ITSN2: variants seen among roughly 807,000 people sequenced by gnomAD.
The protein encoded by ITSN2 is intersectin-2.
In ITSN2, 156 loss-of-function variants were observed where a neutral mutation model predicts 243.7. The observed-to-expected ratio is 0.64, with a 90% CI of 0.56 to 0.73. The LOEUF (loss-of-function observed/expected upper bound fraction) is 0.73, where lower values mean the gene tolerates loss of function less well. Among genes scored for constraint, ITSN2 ranks in the 30% least tolerant of loss-of-function variants. The pLI, the probability that ITSN2 is intolerant of heterozygous loss-of-function variation, is 0.00. For missense variants in ITSN2, 1,801 were observed against 1,996.1 expected, an observed-to-expected ratio of 0.90 and a Z score of 1.86; for synonymous variants, 703 against 699.9, an observed-to-expected ratio of 1.00 and a Z score of -0.07.
chr2:24,209,877 A>G lies in ITSN2; in HGVS notation c.4414T>C (p.Ser1472Pro), dbSNP rs371503725. The change falls in exon 35 of 40, where the codon TCT becomes CCT. Residue 1472 changes from serine to proline, a missense_variant. Ser to Pro is a moderately conservative substitution (Grantham distance 74, BLOSUM62 -1). Coordinates refer to ENST00000355123, the MANE Select transcript of ITSN2 (RefSeq NM_006277.3). ...GAGCTGAAAAGTTTCTCAGAGCCAG[A>G]GGAAACAGCAAACTGCTTGACCATG... ...TYMVKQFAVS[S>P]GSEKLFSSKS... 3.0e-5 allele frequency: 48 copies of G among 1,614,106 alleles called. No homozygotes were observed. Among genetic ancestry groups the G allele is most frequent in the Non-Finnish European group, 4.0e-5 (47 of 1,180,040 alleles).
intron 1 of ITSN2, among the ~76,000 whole-genome samples, chr2:24,340,123 T>C (rs1227351522): frequency 1.3e-5 from 2 of 152,154 alleles, no homozygotes; most frequent in African/African-American, 2.4e-5. Flanking sequence ...CAGTAAGTCA[T>C]GCTATTGATT....
intron 37 of ITSN2, 71 bp from the exon 38 acceptor site, chr2:24,205,368 ATAACACTACCGGCT>A (rs901231760): frequency 1.2e-5 from 15 of 1,296,320 alleles, no homozygotes; most frequent in Non-Finnish European, 1.7e-5. Flanking sequence ...CAAACCAACC[ATAACACTACCGGCT>A]CCCTGTCCCC....
At chr2:24,295,194 T>A (rs1574193244) in intron 14 of ITSN2, among the ~76,000 whole-genome samples, 1 of 152,242 alleles carries the variant, frequency 6.6e-6, no homozygotes, top group African/African-American at 2.4e-5. Context: ...AGAGTTTTAG[T>A]AGGTCTATGG....
At chr2:24,308,530 C>T (rs1289612965) in intron 8 of ITSN2, 87 bp downstream of exon 8, 5 of 843,612 alleles carry the variant, frequency 5.9e-6, no homozygotes, top group Non-Finnish European at 8.4e-6. Context: ...AGATGAGCTA[C>T]ACAATACAAA....
intron 15 of ITSN2, among the ~76,000 whole-genome samples, chr2:24,292,885 G>T (rs1209585787): frequency 2.0e-5 from 3 of 152,130 alleles, no homozygotes; most frequent in African/African-American, 7.2e-5. Context: ...CGCAAAGAAG[G>T]GGATACTATT....
intron 1 of ITSN2, among the ~76,000 whole-genome samples, chr2:24,358,529 A>G (rs1415736052): frequency 6.6e-6 from 1 of 152,232 alleles, no homozygotes; most frequent in Admixed American, 6.5e-5. Context: ...GAGACAGCCA[A>G]TATGTGACCC....
intron 17 of ITSN2, among the ~76,000 whole-genome samples, chr2:24,277,212 AGAGTAATCAAAAGAAACTTCAT>A (rs139630299): frequency 6.6e-6 from 1 of 152,336 alleles, no homozygotes; most frequent in East Asian, 1.9e-4. Context: ...GGGGGACTTA[AGAGTAATCAAAAGAAACTTCAT>A]GGCAAAGGTG....
intron 1 of ITSN2, among the ~76,000 whole-genome samples, chr2:24,338,637 GCATTCATTCATTCTTTCATTCTAC>G (rs1307355490): frequency 6.6e-6 from 1 of 152,132 alleles, no homozygotes; most frequent in Non-Finnish European, 1.5e-5. Flanking sequence ...CTCCACCTAT[GCATTCATTCATTCTTTCATTCTAC>G]CATTCATTTA....
chr2:24,235,239 T>A (rs1558461294), intron 29 of ITSN2, among the ~76,000 whole-genome samples: 3 of 152,138 alleles, frequency 2.0e-5, no homozygotes, highest in Admixed American at 1.3e-4. Context: ...CTGAAAAGGC[T>A]ATGTACTGTG....
chr2:24,260,682 TG>T (rs1486144888), intron 22 of ITSN2, among the ~76,000 whole-genome samples: 1 of 152,026 alleles, frequency 6.6e-6, no homozygotes, highest in Non-Finnish European at 1.5e-5. Context: ...CCAAGGCAGG[TG>T]GATCACCTGA....
chr2:24,348,658 G>GC (rs1225191815), intron 1 of ITSN2, among the ~76,000 whole-genome samples: 1 of 152,202 alleles, frequency 6.6e-6, no homozygotes, highest in African/African-American at 2.4e-5. Flanking sequence ...TATTGCAGGG[G>GC]CAGACAGAGC....
chr2:24,246,907 A>G lies in ITSN2; in HGVS notation c.3289-14T>C, dbSNP rs367817460. ...TTTTCCTCTGGCCTAAAAATTAGCA[A>G]AAGAAATACATAATTGAAAGATGAG... On this transcript the variant is annotated splice_polypyrimidine_tract_variant and intron_variant, in intron 27 of 39. Coordinates refer to ENST00000355123, the MANE Select transcript of ITSN2 (RefSeq NM_006277.3). 2.0e-6 allele frequency: 3 copies of G among 1,494,622 alleles called. No homozygotes were observed. Among genetic ancestry groups the G allele is most frequent in the Non-Finnish European group, 2.8e-6 (3 of 1,076,704 alleles). 92.6% of individuals were successfully genotyped at this position (1,494,622 alleles called of 1,614,324 possible).
At chr2:24,311,108 C>T (rs1029371507) in intron 5 of ITSN2, among the ~76,000 whole-genome samples, 1 of 152,060 alleles carries the variant, frequency 6.6e-6, no homozygotes, top group African/African-American at 2.4e-5. Context: ...CTCTCTCTCT[C>T]ACATACTCCC....
At chr2:24,237,450 A>G (rs75786474) in intron 29 of ITSN2, among the ~76,000 whole-genome samples, 1,525 of 151,920 alleles carry the variant, frequency 0.01, 26 homozygotes, top group African/African-American at 0.036. Context: ...TTCCCAAGTA[A>G]TCTCATCTAC....
In ITSN2 at chr2:24,210,783, C is replaced by CG; in HGVS notation, c.4253dup (p.Glu1419GlyfsTer39). ...GGCTTAACCACACAGGCCTGACCTC[C>CG]GCGAGGCCTTCACACTGCACGTGCG... On this transcript the variant is annotated frameshift_variant, in exon 34 of 40. Transcript: ENST00000355123. LOFTEE classifies it high-confidence loss of function. 6.2e-7 allele frequency: 1 copy of CG among 1,613,556 alleles called. No homozygotes were observed. Among genetic ancestry groups the CG allele is most frequent in the East Asian group, 2.2e-5 (1 of 44,870 alleles).
Position 24,302,185 on chromosome 2 carries a change from TTTTA to T in ITSN2, c.858-87_858-84del, listed in dbSNP as rs200718095. The T allele has an allele frequency of 1.4e-3, 1,101 of 773,472 alleles. 1 individual carries two copies. The highest frequency in any genetic ancestry group is 5.2e-3 in the African/African-American group (279 of 53,230). The allele number at this position is 773,472 out of a possible 1,614,324, so 47.9% of individuals were successfully genotyped here. ...CTTAAAAGTTCAATTTTTATTTTACTTTTATTTATTTATTTATTTATTTATTTAT... is the reference window on the plus strand; with the variant it reads ...CTTAAAAGTTCAATTTTTATTTTACTTTTATTTATTTATTTATTTATTTAT... On this transcript the variant is annotated intron_variant, in intron 9 of 39. Coordinates refer to ENST00000355123, the MANE Select transcript of ITSN2 (RefSeq NM_006277.3).
intron 2 of ITSN2, among the ~76,000 whole-genome samples, chr2:24,323,920 G>A (rs1361160870): frequency 6.6e-6 from 1 of 152,156 alleles, no homozygotes; most frequent in Non-Finnish European, 1.5e-5. Context: ...TAAGTCTGAA[G>A]AGTTTGGTTA....
At chr2:24,264,208 A>G (rs1676291648) in intron 20 of ITSN2, among the ~76,000 whole-genome samples, 1 of 152,100 alleles carries the variant, frequency 6.6e-6, no homozygotes. Flanking sequence ...TCTGACCAAC[A>G]TGGAAAAACC....
In ITSN2 at chr2:24,254,265, G is replaced by C. The variant is rs1160939182; in HGVS notation, c.2953+102C>G. 5.2e-6 allele frequency: 4 copies of C among 776,048 alleles called. No homozygotes were observed. In the African/African-American group the frequency reaches 6.8e-5, roughly 13 times the overall value. 48.1% of individuals were successfully genotyped at this position (776,048 alleles called of 1,614,324 possible). ...TTAATACTGCAGACACAGAAATGGG[G>C]AGAATATGCAACTATGTGAAGAACA... On this transcript the variant is annotated intron_variant, in intron 24 of 39. Coordinates refer to ENST00000355123, the MANE Select transcript of ITSN2 (RefSeq NM_006277.3).
Sources: gnomAD v4.1 joint callset for allele counts (sites outside exome capture counted in the v4.1 genomes callset) on GRCh38, gnomAD v4.1.1 for gene constraint, MANE v1.5 for transcripts, NCBI Gene and HGNC (gene_info 2026-07-23, HGNC 2026-07-21) for gene names.